The following SGCD variants were observed in gnomAD, a reference collection of about 807,000 sequenced individuals.
The protein encoded by SGCD is sarcoglycan delta.
A neutral mutation model predicts 36.6 loss-of-function variants in SGCD; 18 were observed. The ratio of observed to expected loss-of-function variants is 0.49; its 90% confidence interval spans 0.34 to 0.73. The LOEUF is 0.73. Among genes scored for constraint, SGCD ranks in the 30% least tolerant of loss-of-function variants. The pLI is 0.01. For missense variants in SGCD, 387 were observed against 346.7 expected (o/e 1.12, Z -0.92); for synonymous variants, 133 against 130.6 (o/e 1.02, Z -0.12).
chr5:156,183,976 C>T (rs1020984371), intron 3 of SGCD, among the ~76,000 whole-genome samples: 2 of 152,160 alleles, frequency 1.3e-5, no homozygotes, highest in African/African-American at 2.4e-5. Context: ...TTGACAAACA[C>T]ATCATCAGCT....
chr5:156,518,564 G>A (rs893632609), intron 4 of SGCD, among the ~76,000 whole-genome samples: 1 of 151,876 alleles, frequency 6.6e-6, no homozygotes, highest in Non-Finnish European at 1.5e-5. Context: ...GGCACTTACT[G>A]TAAAAGTGAC....
Position 156,385,377 on chromosome 5 carries a change from T to A in SGCD, c.192+40700T>A, listed in dbSNP as rs371054604. 2.0e-5 allele frequency among the ~76,000 whole-genome samples: 3 copies of A among 152,232 alleles called. No individual in the cohort carries two copies. The East Asian group carries it at 5.8e-4, about 29-fold the overall frequency. On this transcript the variant is annotated intron_variant, in intron 3 of 8. Coordinates refer to ENST00000337851, the MANE Select transcript of SGCD (RefSeq NM_000337.6). ...CAGGGTTCCCTGCACATATTTTTTATGCTTTTTAAGTATGATTGCAAGTAA... is the reference window on the plus strand; with the variant it reads ...CAGGGTTCCCTGCACATATTTTTTAAGCTTTTTAAGTATGATTGCAAGTAA...
At chr5:156,023,188 T>G (rs1759147219) in intron 1 of SGCD, among the ~76,000 whole-genome samples, 1 of 152,252 alleles carries the variant, frequency 6.6e-6, no homozygotes, top group Admixed American at 6.5e-5. Flanking sequence ...TTAGGGCACA[T>G]GTGTAGGCAC....
At chr5:156,297,036 T>A (rs1205851707) in intron 3 of SGCD, among the ~76,000 whole-genome samples, 1 of 151,432 alleles carries the variant, frequency 6.6e-6, no homozygotes, top group African/African-American at 2.4e-5. Flanking sequence ...TATAAATATA[T>A]ATATATATAT....
intron 1 of SGCD, among the ~76,000 whole-genome samples, chr5:155,876,392 T>A (rs778520346): frequency 6.6e-6 from 1 of 151,922 alleles, no homozygotes; most frequent in African/African-American, 2.4e-5. Context: ...TTTTTAAAAA[T>A]AAAAAATAAA....
At chr5:156,494,457 A>C (rs1442153123) in intron 3 of SGCD, among the ~76,000 whole-genome samples, 1 of 151,894 alleles carries the variant, frequency 6.6e-6, no homozygotes, top group Non-Finnish European at 1.5e-5. Context: ...GGAGGGAATA[A>C]ATTCCAAAAA....
chr5:156,670,332 T>A (rs555544176), intron 7 of SGCD, among the ~76,000 whole-genome samples: 3 of 152,322 alleles, frequency 2.0e-5, no homozygotes, highest in Admixed American at 1.3e-4. Context: ...CTTCCTCAAA[T>A]AGAGTAATGT....
chr5:156,068,828 G>A (rs868295380), intron 1 of SGCD, among the ~76,000 whole-genome samples: 187 of 151,816 alleles, frequency 1.2e-3, no homozygotes, highest in South Asian at 3.7e-3. Context: ...ACTGGTGTGA[G>A]ATGGTATCTC....
chr5:156,094,999 A>G (rs1761341227), intron 1 of SGCD, among the ~76,000 whole-genome samples: 1 of 152,136 alleles, frequency 6.6e-6, no homozygotes, highest in Non-Finnish European at 1.5e-5. Context: ...TCTCAAAAAA[A>G]AAAGAAAGAA....
At chr5:155,961,556 G>A (rs1449188755) in intron 1 of SGCD, among the ~76,000 whole-genome samples, 4 of 152,092 alleles carry the variant, frequency 2.6e-5, no homozygotes, top group African/African-American at 9.7e-5. Context: ...TTTCATTGCT[G>A]AAGACTAGTG....
chr5:155,771,644 C>G, the SGCD span, among the ~76,000 whole-genome samples: 1 of 151,942 alleles, frequency 6.6e-6, no homozygotes, highest in South Asian at 2.1e-4. Flanking sequence ...AGGCTGTTCT[C>G]GAACTCCTGA....
chr5:156,325,627 T>C (rs529428800), upstream of SGCD, among the ~76,000 whole-genome samples: 5 of 152,282 alleles, frequency 3.3e-5, no homozygotes, highest in African/African-American at 1.2e-4. Flanking sequence ...AGAAAGCAGA[T>C]AGAAAAAGAG....
At chr5:156,632,691 C>A (rs1030299468) in intron 6 of SGCD, among the ~76,000 whole-genome samples, 1 of 152,158 alleles carries the variant, frequency 6.6e-6, no homozygotes, top group East Asian at 1.9e-4. Context: ...AAGCCAGTGA[C>A]CTGCAAAGTC....
At chr5:156,365,546 A>T (rs560318118) in intron 3 of SGCD, among the ~76,000 whole-genome samples, 7 of 152,162 alleles carry the variant, frequency 4.6e-5, no homozygotes, top group Non-Finnish European at 7.4e-5. Flanking sequence ...TTCTTTCTGC[A>T]TGGATGTTGT....
chr5:156,669,899 G>A lies in SGCD; in HGVS notation c.575+22363G>A, dbSNP rs190733974. ...CTTTTAAATTTAAGTAGGTATTGGG[G>A]GAAATGTCTTGAGTACCAAAACGTT... On this transcript the variant is annotated intron_variant, in intron 7 of 8. Transcript: ENST00000337851. Among the ~76,000 whole-genome samples, 311 of 152,032 alleles carry A rather than the reference G, an allele frequency of 2.0e-3. 1 individual carries two copies. Among genetic ancestry groups the A allele is most frequent in the African/African-American group, 6.9e-3 (288 of 41,448 alleles).
chr5:156,050,610 G>A (rs1759892164), intron 1 of SGCD, among the ~76,000 whole-genome samples: 1 of 146,164 alleles, frequency 6.8e-6, no homozygotes, highest in Non-Finnish European at 1.5e-5. Context: ...GTTTCCTATG[G>A]CTGCTGTGGT....
intron 1 of SGCD, among the ~76,000 whole-genome samples, chr5:156,006,415 T>C (rs993134718): frequency 6.6e-6 from 1 of 152,206 alleles, no homozygotes; most frequent in Non-Finnish European, 1.5e-5. Flanking sequence ...GGGCGATAGC[T>C]ATTGCATTCT....
chr5:155,942,088 T>C (rs1214256772), intron 1 of SGCD, among the ~76,000 whole-genome samples: 3 of 152,130 alleles, frequency 2.0e-5, no homozygotes, highest in African/African-American at 7.2e-5. Context: ...TTCCCACAGA[T>C]AGCAATGACA....
chr5:155,829,560 G>A, the SGCD span, among the ~76,000 whole-genome samples: 85 of 152,296 alleles, frequency 5.6e-4, no homozygotes, highest in Non-Finnish European at 1.1e-3. Context: ...AGAAAGCAGG[G>A]AGAATATTCA....
Sources: gnomAD v4.1 joint callset for allele counts (sites outside exome capture counted in the v4.1 genomes callset) on GRCh38, gnomAD v4.1.1 for gene constraint, MANE v1.5 for transcripts, NCBI Gene and HGNC (gene_info 2026-07-23, HGNC 2026-07-21) for gene names.